GRSF1: variants seen among roughly 807,000 people sequenced by gnomAD.
GRSF1 encodes the protein G-rich sequence factor 1.
GRSF1 carries 50 observed loss-of-function variants against 51.1 expected under a neutral mutation model. The observed-to-expected ratio is 0.98, with a 90% CI of 0.78 to 1.24. GRSF1 has a LOEUF of 1.24. Ranked by LOEUF, GRSF1 falls within the 50% of genes most tolerant of loss-of-function variation. The probability of loss-of-function intolerance (pLI) is 0.00; values close to 1 mark genes in which losing one functional copy is unlikely to be tolerated. For missense variants in GRSF1, 700 were observed against 639.7 expected (o/e 1.09, Z -1.02); for synonymous variants, 293 against 253.3 (o/e 1.16, Z -1.49).
upstream of GRSF1, among the ~76,000 whole-genome samples, chr4:70,841,884 G>A (rs1431910407): frequency 6.6e-6 from 1 of 152,172 alleles, no homozygotes; most frequent in African/African-American, 2.4e-5. Context: ...ACAAAAACAG[G>A]GACAAAAGAA....
upstream of GRSF1, among the ~76,000 whole-genome samples, chr4:70,840,222 T>C (rs1217584958): frequency 6.7e-6 from 1 of 149,816 alleles, no homozygotes; most frequent in Non-Finnish European, 1.5e-5. Flanking sequence ...CTGCCCATGG[T>C]TTGGGCGGGG....
rs763796380 is a variant in GRSF1, at chr4:70,836,167, AG to A, written c.504del (p.Ser171GlnfsTer16). The A allele has an allele frequency of 6.5e-7, 1 of 1,532,140 alleles. No homozygotes were observed. Among genetic ancestry groups the A allele is most frequent in the East Asian group, 2.4e-5 (1 of 42,106 alleles). The allele number at this position is 1,532,140 out of a possible 1,614,324, so 94.9% of individuals were successfully genotyped here. On this transcript the variant is annotated frameshift_variant, in exon 2 of 10. Coordinates refer to ENST00000254799, the MANE Select transcript of GRSF1 (RefSeq NM_002092.4). LOFTEE classifies it high-confidence loss of function. ...CATACATAAAATATACCTGAAAAAA[AG>A]TTAAGCACATCTTCCATAGTGCATG... ...PWSCTMEDVL[N>X]FFSDCRIRNG...
At chr4:70,822,920 C>T (rs144471681) in intron 9 of GRSF1, among the ~76,000 whole-genome samples, 43 of 151,876 alleles carry the variant, frequency 2.8e-4, no homozygotes, top group Middle Eastern at 3.4e-3. Flanking sequence ...CATGGTGAAA[C>T]CTCATCTCTA....
At chr4:70,839,372 G>A (rs1235115367) in intron 1 of GRSF1, 99 bp downstream of exon 1, 3 of 1,506,792 alleles carry the variant, frequency 2.0e-6, no homozygotes, top group South Asian at 1.2e-5. Flanking sequence ...ATCCCCGGGC[G>A]TGCCCGCGAG....
intron 5 of GRSF1, among the ~76,000 whole-genome samples, chr4:70,830,929 T>TA (rs869248518): frequency 6.6e-6 from 1 of 152,152 alleles, no homozygotes; most frequent in African/African-American, 2.4e-5. Context: ...TGAAATTATG[T>TA]AAAAAAATTT....
intron 9 of GRSF1, among the ~76,000 whole-genome samples, chr4:70,821,530 C>A (rs1055379766): frequency 6.6e-6 from 1 of 150,590 alleles, no homozygotes; most frequent in Non-Finnish European, 1.5e-5. Context: ...CGCTTGAACC[C>A]GGGGGGCGGA....
chr4:70,826,899 G>A (rs1733758156), intron 6 of GRSF1, among the ~76,000 whole-genome samples: 1 of 152,010 alleles, frequency 6.6e-6, no homozygotes, highest in Admixed American at 6.6e-5. Flanking sequence ...TAATCCCAGG[G>A]TACCAGTTTA....
chr4:70,825,210 A>C, intron 8 of GRSF1, 86 bp downstream of exon 8: 1 of 1,113,676 alleles, frequency 9.0e-7, no homozygotes, highest in Non-Finnish European at 1.3e-6. Context: ...CTCAAGGAAA[A>C]ATTCTACAAT....
intron 2 of GRSF1, among the ~76,000 whole-genome samples, chr4:70,835,373 T>G (rs1578307781): frequency 7.1e-6 from 1 of 141,436 alleles, no homozygotes; most frequent in East Asian, 2.3e-4. Flanking sequence ...GAGCTTGCAG[T>G]GAGCTGAGAT....
At chr4:70,826,995 A>G (rs1733761144) in intron 6 of GRSF1, among the ~76,000 whole-genome samples, 1 of 152,176 alleles carries the variant, frequency 6.6e-6, no homozygotes, top group East Asian at 1.9e-4. Context: ...GCAAACAAAA[A>G]TCCTTACTTC....
chr4:70,821,619 A>T (rs1240216396), intron 9 of GRSF1, among the ~76,000 whole-genome samples: 1 of 151,328 alleles, frequency 6.6e-6, no homozygotes, highest in East Asian at 1.9e-4. Context: ...AAAAAAAAAA[A>T]AAAGCAATAG....
chr4:70,823,280 C>A (rs982072895), intron 9 of GRSF1, among the ~76,000 whole-genome samples: 3 of 151,992 alleles, frequency 2.0e-5, no homozygotes, highest in Non-Finnish European at 4.4e-5. Context: ...GCCTGTAATC[C>A]CAGCTACTTG....
At chr4:70,826,270 G>C in intron 6 of GRSF1, 25 bp from the exon 7 acceptor site, 2 of 1,577,402 alleles carry the variant, frequency 1.3e-6, no homozygotes, top group Non-Finnish European at 1.7e-6. Context: ...AGAAAGCACT[G>C]TTAAAACATA....
At position 70,818,633 on chromosome 4, in the gene GRSF1, T is replaced by C. The variant is rs573564446; in HGVS notation, c.*2254A>G. ...CCACAATATTCAGATGAGACCACAA[T>C]ATTCAGCAATCAGCTCCCTGGTATT... On this transcript the variant is annotated 3_prime_UTR_variant, in exon 10 of 10. Coordinates refer to ENST00000254799, the MANE Select transcript of GRSF1 (RefSeq NM_002092.4). 6.6e-6 allele frequency: 1 copy of C among 152,288 alleles called. No homozygotes were observed. The highest frequency in any genetic ancestry group is 2.4e-5 in the African/African-American group (1 of 41,562). The allele number at this position is 152,288 out of a possible 1,614,324, so 9.4% of individuals were successfully genotyped here.
chr4:70,827,930 G>C lies in GRSF1; in HGVS notation c.1057C>G (p.Pro353Ala), dbSNP rs1283500100. The C allele has an allele frequency of 6.2e-7, 1 of 1,612,572 alleles. No individual in the cohort carries two copies. Among genetic ancestry groups the C allele is most frequent in the South Asian group, 1.1e-5 (1 of 90,928 alleles). Residue 353 changes from proline to alanine, a missense_variant, in exon 6 of 10, where the codon CCA becomes GCA. Physicochemically the swap from Pro to Ala is conservative, Grantham distance 27. Transcript: ENST00000254799. ...SFPTAKYITEPEMVFEEHEVN... is the reference protein window; with the variant it reads ...SFPTAKYITEAEMVFEEHEVN... ...TCATGTTCTTCAAAGACCATTTCTG[G>C]CTCAGTTATATACTTAGCAGTAGGA...
intron 5 of GRSF1, among the ~76,000 whole-genome samples, chr4:70,829,625 C>T (rs551886240): frequency 3.7e-4 from 57 of 152,100 alleles, no homozygotes; most frequent in Admixed American, 1.4e-3. Flanking sequence ...TGCACTCCAG[C>T]GAGGGTAACA....
intron 5 of GRSF1, among the ~76,000 whole-genome samples, 188 bp downstream of exon 5, chr4:70,831,351 G>A (rs1411317540): frequency 4.1e-5 from 6 of 147,690 alleles, no homozygotes; most frequent in Non-Finnish European, 7.4e-5. Context: ...GTGAAACTCT[G>A]TCTCAAAAAA....
chr4:70,828,185 TAC>T (rs1733809904), intron 5 of GRSF1, 149 bp from the exon 6 acceptor site: 3 of 627,842 alleles, frequency 4.8e-6, no homozygotes, highest in South Asian at 2.0e-5. Flanking sequence ...TAATAATGCA[TAC>T]AGATAGTAGC....
In GRSF1 at chr4:70,833,114, A is replaced by T; in HGVS notation, c.670+4T>A. ...CCAAAAAGCCATAATCTGACTTCACATACCTTCCACATACCGCTGGCCCAT... is the reference window on the plus strand; with the variant it reads ...CCAAAAAGCCATAATCTGACTTCACTTACCTTCCACATACCGCTGGCCCAT... On this transcript the variant is annotated splice_donor_region_variant and intron_variant, in intron 3 of 9. Transcript: ENST00000254799. 5 of 1,612,286 alleles carry T rather than the reference A, an allele frequency of 3.1e-6. No individual in the cohort carries two copies. The highest frequency in any genetic ancestry group is 4.2e-6 in the Non-Finnish European group (5 of 1,179,314).
Sources: gnomAD v4.1 joint callset for allele counts (sites outside exome capture counted in the v4.1 genomes callset) on GRCh38, gnomAD v4.1.1 for gene constraint, MANE v1.5 for transcripts, NCBI Gene and HGNC (gene_info 2026-07-23, HGNC 2026-07-21) for gene names.